ADK: variants seen among roughly 807,000 people sequenced by gnomAD.
ADK encodes the protein N6,N6-dimethyladenosine kinase.
A neutral mutation model predicts 44.7 loss-of-function variants in ADK; 24 were observed. The ratio of observed to expected loss-of-function variants is 0.54; its 90% confidence interval spans 0.39 to 0.76. The LOEUF (loss-of-function observed/expected upper bound fraction) is 0.76. ADK is among the 30% of genes least tolerant of loss of function. The pLI, the probability that ADK is intolerant of heterozygous loss-of-function variation, is 0.00. For missense variants in ADK, 321 were observed against 425.1 expected, an observed-to-expected ratio of 0.76 and a Z score of 2.15; for synonymous variants, 128 against 142.6, an observed-to-expected ratio of 0.90 and a Z score of 0.73.
intron 3 of ADK, among the ~76,000 whole-genome samples, chr10:74,302,105 G>GTTTTTTTT (rs1840065150): frequency 5.6e-5 from 5 of 88,910 alleles, no homozygotes; most frequent in East Asian, 4.0e-4. Flanking sequence ...TTTTTTGTTT[G>GTTTTTTTT]TTTGTTTTTT....
chr10:74,564,365 A>G (rs1203708428), intron 7 of ADK, among the ~76,000 whole-genome samples: 1 of 152,218 alleles, frequency 6.6e-6, no homozygotes, highest in African/African-American at 2.4e-5. Flanking sequence ...TCTCAAATCC[A>G]GGAAAACTAA....
At chr10:74,192,445 CT>C (rs1842985328) in intron 1 of ADK, among the ~76,000 whole-genome samples, 1 of 152,002 alleles carries the variant, frequency 6.6e-6, no homozygotes, top group Admixed American at 6.5e-5. Flanking sequence ...TCAGGCTAGT[CT>C]CGAACTCCTG....
chr10:74,527,888 G>A (rs1363279114), intron 7 of ADK: 1 of 842,600 alleles, frequency 1.2e-6, no homozygotes, highest in Non-Finnish European at 2.1e-6. Context: ...ACAGGAAAAG[G>A]CAAGAGAAGG....
intron 6 of ADK, among the ~76,000 whole-genome samples, chr10:74,415,143 A>T (rs1296588304): frequency 6.6e-6 from 1 of 152,214 alleles, no homozygotes; most frequent in African/African-American, 2.4e-5. Context: ...TGGAAACCAC[A>T]CTATGTGCTA....
intron 4 of ADK, among the ~76,000 whole-genome samples, chr10:74,388,180 T>A (rs1374380622): frequency 6.6e-6 from 1 of 152,250 alleles, no homozygotes; most frequent in African/African-American, 2.4e-5. Context: ...GTGTCGGGAT[T>A]ACAGGCGTGA....
chr10:74,483,765 G>A (rs1236263145), intron 6 of ADK, among the ~76,000 whole-genome samples: 2 of 152,170 alleles, frequency 1.3e-5, no homozygotes, highest in Non-Finnish European at 2.9e-5. Context: ...CCCTAAAGAA[G>A]GAGCACAATG....
At chr10:74,330,044 T>A (rs1841165619) in intron 4 of ADK, among the ~76,000 whole-genome samples, 1 of 151,942 alleles carries the variant, frequency 6.6e-6, no homozygotes, top group Non-Finnish European at 1.5e-5. Context: ...GGTACATGCC[T>A]GTCATCCCAG....
intron 6 of ADK, among the ~76,000 whole-genome samples, chr10:74,489,938 T>A (rs1410247847): frequency 6.6e-6 from 1 of 151,958 alleles, no homozygotes; most frequent in Non-Finnish European, 1.5e-5. Flanking sequence ...TTCTTTAAAA[T>A]CATGTGAAAT....
chr10:74,282,164 G>A (rs1377529274), intron 3 of ADK, among the ~76,000 whole-genome samples: 2 of 152,124 alleles, frequency 1.3e-5, no homozygotes, highest in Non-Finnish European at 2.9e-5. Flanking sequence ...AAAGCAAGTG[G>A]CATTTGGTTT....
chr10:74,160,725 G>GTGTGTA (rs1554824341), intron 1 of ADK, among the ~76,000 whole-genome samples: 12,266 of 150,566 alleles, frequency 0.081, 495 homozygotes, highest in Middle Eastern at 0.15. Context: ...GTGTATGTGT[G>GTGTGTA]TGTGTAGGTA....
At chr10:74,676,618 A>G (rs961470526) in intron 10 of ADK, among the ~76,000 whole-genome samples, 5 of 152,046 alleles carry the variant, frequency 3.3e-5, no homozygotes, top group African/African-American at 1.2e-4. Context: ...CTGGGACTAC[A>G]GGGTTTTTAA....
At chr10:74,708,153 G>GAAAAAAAAA (rs35480343) in intron 10 of ADK, among the ~76,000 whole-genome samples, 168 bp from the exon 11 acceptor site, 1 of 132,722 alleles carries the variant, frequency 7.5e-6, no homozygotes, top group East Asian at 2.2e-4. Context: ...CCATCTCGGG[G>GAAAAAAAAA]AAAAAAAAAA....
intron 9 of ADK, among the ~76,000 whole-genome samples, chr10:74,657,717 GA>G (rs1854539490): frequency 6.6e-6 from 1 of 152,134 alleles, no homozygotes; most frequent in South Asian, 2.1e-4. Flanking sequence ...CTCTGTACTA[GA>G]TACAGTACTA....
intron 6 of ADK, among the ~76,000 whole-genome samples, chr10:74,481,327 C>T (rs1225911500): frequency 6.6e-6 from 1 of 152,144 alleles, no homozygotes. Context: ...TTTATATTAT[C>T]TTAGATTCAC....
In ADK at chr10:74,674,188, C is replaced by T. The variant is rs76590289; in HGVS notation, c.964+3919C>T. Among the ~76,000 whole-genome samples the T allele has an allele frequency of 5.4e-3, 815 of 152,292 alleles. 10 individuals carry two copies. The highest frequency in any genetic ancestry group is 0.019 in the African/African-American group (779 of 41,558). On this transcript the variant is annotated intron_variant, in intron 10 of 10. Transcript: ENST00000539909. ...CTCTTCTGCCCAGAAATTTGCCTGC[C>T]TCCTGTCCCTATCAATAGCACCCAT...
chr10:74,310,467 C>G (rs1471034445), intron 3 of ADK, among the ~76,000 whole-genome samples: 1 of 152,066 alleles, frequency 6.6e-6, no homozygotes, highest in African/African-American at 2.4e-5. Context: ...AAACTAGCAA[C>G]CTCAGAATTT....
intron 6 of ADK, among the ~76,000 whole-genome samples, chr10:74,434,302 T>A (rs557573090): frequency 6.6e-6 from 1 of 152,212 alleles, no homozygotes; most frequent in South Asian, 2.1e-4. Context: ...AGAAAAAAAA[T>A]TATTAGAGAA....
chr10:74,703,703 G>C (rs1856509966), intron 10 of ADK, among the ~76,000 whole-genome samples: 1 of 152,158 alleles, frequency 6.6e-6, no homozygotes. Context: ...AATATGGACA[G>C]TAGATTAGAT....
intron 1 of ADK, among the ~76,000 whole-genome samples, chr10:74,164,853 T>C (rs568878294): frequency 2.6e-5 from 4 of 152,322 alleles, no homozygotes; most frequent in Admixed American, 2.6e-4. Context: ...ACTCGATTCC[T>C]GAGAAGACGT....
Sources: gnomAD v4.1 joint callset for allele counts (sites outside exome capture counted in the v4.1 genomes callset) on GRCh38, gnomAD v4.1.1 for gene constraint, MANE v1.5 for transcripts, NCBI Gene and HGNC (gene_info 2026-07-23, HGNC 2026-07-21) for gene names.